RHOJ: variants seen among roughly 807,000 people sequenced by gnomAD.
RHOJ encodes rho-related GTP-binding protein RhoJ.
RHOJ carries 11 observed loss-of-function variants against 23.4 expected under a neutral mutation model. The observed-to-expected ratio is 0.47, with a 90% CI of 0.30 to 0.78. The LOEUF (loss-of-function observed/expected upper bound fraction) is 0.78, where lower values mean the gene tolerates loss of function less well. Ranked by LOEUF, RHOJ falls within the 30% of genes least tolerant of loss-of-function variation. The pLI, the probability that RHOJ is intolerant of heterozygous loss-of-function variation, is 0.08. For missense variants in RHOJ, 254 were observed against 273.4 expected, an observed-to-expected ratio of 0.93 and a Z score of 0.50; for synonymous variants, 102 against 102.7, an observed-to-expected ratio of 0.99 and a Z score of 0.04.
chr14:63,282,004 G>A (rs891539524), intron 3 of RHOJ, among the ~76,000 whole-genome samples: 5 of 152,120 alleles, frequency 3.3e-5, no homozygotes, highest in African/African-American at 1.2e-4. Flanking sequence ...AAGAAGATAT[G>A]GACAGGTACA....
intron 2 of RHOJ, among the ~76,000 whole-genome samples, chr14:63,270,516 A>G (rs890052198): frequency 6.6e-5 from 10 of 152,174 alleles, no homozygotes; most frequent in Non-Finnish European, 1.0e-4. Context: ...ATGTGCTCCA[A>G]TGAAAAAAAT....
intron 1 of RHOJ, among the ~76,000 whole-genome samples, chr14:63,233,309 G>A (rs932010695): frequency 1.3e-5 from 2 of 152,094 alleles, no homozygotes. Context: ...ACTGCTCTTG[G>A]GTACAAGGTT....
At position 63,258,399 on chromosome 14, in the gene RHOJ, G is replaced by C. The variant is rs538034379; in HGVS notation, c.179-10711G>C. Among the ~76,000 whole-genome samples the C allele has an allele frequency of 6.1e-4, 93 of 152,044 alleles. No homozygotes were observed. The South Asian group carries it at 0.018, about 30-fold the overall frequency. ...TCTACAGGTTCCAAGAGAAAGATATGAGGTTAGTATAATAAGAGAGTTTAG... is the reference window on the plus strand; with the variant it reads ...TCTACAGGTTCCAAGAGAAAGATATCAGGTTAGTATAATAAGAGAGTTTAG... On this transcript the variant is annotated intron_variant, in intron 1 of 4. Transcript: ENST00000316754.
At chr14:63,274,879 G>A (rs1881669143) in intron 2 of RHOJ, among the ~76,000 whole-genome samples, 3 of 152,142 alleles carry the variant, frequency 2.0e-5, no homozygotes, top group African/African-American at 7.2e-5. Context: ...ATTTATGGGT[G>A]AATATGAAAA....
rs1264531236 is a variant in RHOJ, at chr14:63,226,025, C to T, written c.178+20978C>T. On this transcript the variant is annotated intron_variant, in intron 1 of 4. Coordinates refer to ENST00000316754, the MANE Select transcript of RHOJ (RefSeq NM_020663.5). ...AAAAACTGCCCAACCTGGAATACCCCTTTGACCCCTTCTCGTGACCATTCA... is the reference window on the plus strand; with the variant it reads ...AAAAACTGCCCAACCTGGAATACCCTTTTGACCCCTTCTCGTGACCATTCA... Among the ~76,000 whole-genome samples the T allele has an allele frequency of 3.3e-5, 5 of 152,236 alleles. No individual in the cohort carries two copies. The East Asian group carries it at 7.7e-4, about 24-fold the overall frequency.
intron 1 of RHOJ, among the ~76,000 whole-genome samples, chr14:63,265,474 C>CT (rs1256073310): frequency 6.6e-6 from 1 of 152,138 alleles, no homozygotes; most frequent in African/African-American, 2.4e-5. Context: ...TGGCTTTGTT[C>CT]TTTTTGCTTA....
At chr14:63,274,574 G>C (rs1319571431) in intron 2 of RHOJ, among the ~76,000 whole-genome samples, 1 of 152,186 alleles carries the variant, frequency 6.6e-6, no homozygotes. Context: ...ACCAGCAGCT[G>C]TTGTTGATAT....
rs374797120 is a variant in RHOJ at position 63,269,924 on chromosome 14, G to A, written c.237+756G>A. 4.6e-5 allele frequency among the ~76,000 whole-genome samples: 7 copies of A among 152,200 alleles called. No individual in the cohort carries two copies. In the East Asian group the frequency reaches 7.7e-4, roughly 17 times the overall value. On this transcript the variant is annotated intron_variant, in intron 2 of 4. Coordinates refer to ENST00000316754, the MANE Select transcript of RHOJ (RefSeq NM_020663.5). ...GCTACGAAGTTTCTCAAGTTCTAAT[G>A]TTCTAATCCAGTTCACGGATTGGTG...
At chr14:63,236,236 GC>G (rs1467482745) in intron 1 of RHOJ, among the ~76,000 whole-genome samples, 1 of 152,154 alleles carries the variant, frequency 6.6e-6, no homozygotes, top group African/African-American at 2.4e-5. Flanking sequence ...CTTCAGTAAA[GC>G]CTGCTGTGTA....
chr14:63,274,850 A>G (rs532509071), intron 2 of RHOJ, among the ~76,000 whole-genome samples: 66 of 152,206 alleles, frequency 4.3e-4, no homozygotes, highest in African/African-American at 1.5e-3. Context: ...TGGTGCCCAC[A>G]TTTTTCAAAT....
At chr14:63,224,358 C>T (rs1433783627) in intron 1 of RHOJ, among the ~76,000 whole-genome samples, 1 of 152,182 alleles carries the variant, frequency 6.6e-6, no homozygotes, top group Non-Finnish European at 1.5e-5. Context: ...CTGGAGGTCT[C>T]TGCTTCATGT....
intron 1 of RHOJ, among the ~76,000 whole-genome samples, chr14:63,238,510 A>G (rs1326296267): frequency 6.6e-6 from 1 of 152,140 alleles, no homozygotes; most frequent in Non-Finnish European, 1.5e-5. Context: ...TCTGCCTTCC[A>G]GGCTCAAGCC....
At chr14:63,268,990 C>A (rs1030608449) in intron 1 of RHOJ, 120 bp from the exon 2 acceptor site, 3 of 688,342 alleles carry the variant, frequency 4.4e-6, no homozygotes, top group African/African-American at 1.8e-5. Flanking sequence ...TGTACATGAG[C>A]GAGGCATATG....
At chr14:63,238,198 G>T (rs920410317) in intron 1 of RHOJ, among the ~76,000 whole-genome samples, 1 of 152,162 alleles carries the variant, frequency 6.6e-6, no homozygotes, top group Non-Finnish European at 1.5e-5. Flanking sequence ...CATTTTAGAA[G>T]TACTCTTAGA....
At chr14:63,240,758 C>T (rs1894868974) in intron 1 of RHOJ, among the ~76,000 whole-genome samples, 1 of 152,130 alleles carries the variant, frequency 6.6e-6, no homozygotes, top group Non-Finnish European at 1.5e-5. Context: ...AGTAACAAAA[C>T]ATAATGAAAT....
At position 63,283,564 on chromosome 14, in the gene RHOJ, T is replaced by C. The variant is rs541494317; in HGVS notation, c.498+348T>C. ...TATATTTGTAAATCTCACTGCTTAT[T>C]ATGGATGTAGCTCATTTAAATAACC... On this transcript the variant is annotated intron_variant, in intron 4 of 4. Coordinates refer to ENST00000316754, the MANE Select transcript of RHOJ (RefSeq NM_020663.5). 3.3e-5 allele frequency among the ~76,000 whole-genome samples: 5 copies of C among 152,362 alleles called. No individual in the cohort carries two copies. In the East Asian group the frequency reaches 7.7e-4, roughly 23 times the overall value.
At chr14:63,251,644 T>A (rs1230857861) in intron 1 of RHOJ, among the ~76,000 whole-genome samples, 1 of 152,148 alleles carries the variant, frequency 6.6e-6, no homozygotes, top group African/African-American at 2.4e-5. Flanking sequence ...GCCAAGTGTG[T>A]TGACCCTAAG....
chr14:63,221,798 G>A (rs1488308766), intron 1 of RHOJ, among the ~76,000 whole-genome samples: 1 of 152,150 alleles, frequency 6.6e-6, no homozygotes, highest in Non-Finnish European at 1.5e-5. Flanking sequence ...GGATCTGAAT[G>A]TCAAGAGAAC....
At chr14:63,236,273 A>C (rs904048175) in intron 1 of RHOJ, among the ~76,000 whole-genome samples, 2 of 152,218 alleles carry the variant, frequency 1.3e-5, no homozygotes, top group African/African-American at 4.8e-5. Flanking sequence ...TAGAATACCC[A>C]GCTGAATGCC....
Sources: gnomAD v4.1 joint callset for allele counts (sites outside exome capture counted in the v4.1 genomes callset) on GRCh38, gnomAD v4.1.1 for gene constraint, MANE v1.5 for transcripts, NCBI Gene and HGNC (gene_info 2026-07-23, HGNC 2026-07-21) for gene names.